Variants in CCDC122 observed in about 807,000 individuals in gnomAD.
CCDC122 encodes coiled-coil domain-containing protein 122.
In CCDC122, 38 loss-of-function variants were observed where a neutral mutation model predicts 37.0. The ratio of observed to expected loss-of-function variants is 1.03; its 90% confidence interval spans 0.79 to 1.35. CCDC122 has a LOEUF of 1.35. Among genes scored for constraint, CCDC122 ranks in the 40% most tolerant of loss-of-function variants. CCDC122 has a pLI of 0.00. For missense variants in CCDC122, 305 were observed against 310.0 expected (o/e 0.98, Z 0.12); for synonymous variants, 83 against 95.6 (o/e 0.87, Z 0.77).
At chr13:43,868,205 C>T (rs1309765288) in intron 4 of CCDC122, among the ~76,000 whole-genome samples, 1 of 152,106 alleles carries the variant, frequency 6.6e-6, no homozygotes, top group Non-Finnish European at 1.5e-5. Flanking sequence ...GTCATATTCA[C>T]ATAGTATAGT....
intron 2 of CCDC122, 89 bp from the exon 3 acceptor site, chr13:43,869,578 T>A: frequency 2.0e-6 from 1 of 508,338 alleles, no homozygotes; most frequent in Non-Finnish European, 3.4e-6. Flanking sequence ...AATGGTTAAG[T>A]GATTTTGGAA....
At position 43,869,402 on chromosome 13, in the gene CCDC122, C is replaced by G; in HGVS notation, c.-26G>C. The G allele has an allele frequency of 6.3e-7, 1 of 1,590,694 alleles. No homozygotes were observed. Among genetic ancestry groups the G allele is most frequent in the Non-Finnish European group, 8.6e-7 (1 of 1,165,348 alleles). On this transcript the variant is annotated 5_prime_UTR_variant, in exon 3 of 7. Transcript: ENST00000444614. The stretch of plus-strand genomic sequence containing the variant: ...TTTCTGTGTCTGTAATCTCTTTTCC[C>G]CTTTTTGATTTACCTTCTTTACTCC...
intron 6 of CCDC122, among the ~76,000 whole-genome samples, chr13:43,841,642 A>G (rs9567281): frequency 0.041 from 6,282 of 152,302 alleles, 190 homozygotes; most frequent in East Asian, 0.097. Flanking sequence ...CATCCTGGAT[A>G]CAAGTCCTTT....
intron 6 of CCDC122, chr13:43,854,312 G>A (rs562235855): frequency 6.6e-6 from 1 of 152,190 alleles, no homozygotes; most frequent in Admixed American, 6.5e-5. Context: ...TGACCCCACA[G>A]AAATACAAAT....
At chr13:43,857,817 C>T (rs565372339) in intron 6 of CCDC122, among the ~76,000 whole-genome samples, 1 of 152,212 alleles carries the variant, frequency 6.6e-6, no homozygotes, top group African/African-American at 2.4e-5. Flanking sequence ...ATGGGAAAAT[C>T]GCTGGAACCC....
intron 1 of CCDC122, among the ~76,000 whole-genome samples, chr13:43,878,317 A>G (rs1013725478): frequency 3.9e-5 from 6 of 152,198 alleles, no homozygotes; most frequent in African/African-American, 1.4e-4. Context: ...CTCAGGGCAG[A>G]GTGCACCTTC....
chr13:43,821,990 G>C (rs936725923), downstream of CCDC122, among the ~76,000 whole-genome samples: 4 of 152,184 alleles, frequency 2.6e-5, no homozygotes, highest in Admixed American at 2.6e-4. Flanking sequence ...ATTGGTCCCT[G>C]GTGCCTTATT....
intron 6 of CCDC122, among the ~76,000 whole-genome samples, chr13:43,838,138 G>A (rs1290165371): frequency 6.6e-6 from 1 of 152,064 alleles, no homozygotes; most frequent in Non-Finnish European, 1.5e-5. Context: ...GGTTCTGAGG[G>A]CTGCTGCTTC....
intron 3 of CCDC122, 52 bp downstream of exon 3, chr13:43,869,276 CTTT>C: frequency 7.3e-7 from 1 of 1,366,578 alleles, no homozygotes. Flanking sequence ...TGCCAGACTA[CTTT>C]TTTGTTGTTG....
chr13:43,850,460 T>C (rs1157905788), intron 6 of CCDC122, among the ~76,000 whole-genome samples: 1 of 151,910 alleles, frequency 6.6e-6, no homozygotes, highest in African/African-American at 2.4e-5. Context: ...AAATAGAAAG[T>C]CTGAGCAAAG....
chr13:43,875,258 G>C (rs1408727146), intron 1 of CCDC122, among the ~76,000 whole-genome samples: 2 of 152,152 alleles, frequency 1.3e-5, no homozygotes, highest in East Asian at 3.9e-4. Context: ...GAGGCAAGGG[G>C]CAAGGTCTTT....
chr13:43,847,803 C>G (rs993345480), intron 6 of CCDC122, among the ~76,000 whole-genome samples: 2 of 152,004 alleles, frequency 1.3e-5, no homozygotes, highest in African/African-American at 4.8e-5. Flanking sequence ...GAGACAGGGT[C>G]TTGCTCTGTT....
intron 3 of CCDC122, among the ~76,000 whole-genome samples, chr13:43,827,818 C>A (rs1394523909): frequency 6.6e-6 from 1 of 152,114 alleles, no homozygotes; most frequent in Non-Finnish European, 1.5e-5. Context: ...CAGAGAAATT[C>A]AGACATGTTA....
In CCDC122 at chr13:43,859,916, T is replaced by C; in HGVS notation, c.311A>G (p.Asn104Ser). The C allele has an allele frequency of 6.2e-7, 1 of 1,610,570 alleles. No homozygotes were observed. Among genetic ancestry groups the C allele is most frequent in the Non-Finnish European group, 8.5e-7 (1 of 1,178,450 alleles). The change falls in exon 5 of 7, where the codon AAT becomes AGT. Residue 104 changes from asparagine (N) to serine (S), a missense_variant. Physicochemically the swap from Asn to Ser is conservative, Grantham distance 46. Transcript: ENST00000444614. ...TTCTATGTCAAATTTAAGCTTTACA[T>C]TTTCTGAATGTAAGGATTTGATTTG... ...ETQIKSLHSE[N>S]VKLKFDIETA...
At chr13:43,833,636 C>T (rs1405410446), downstream of CCDC122, among the ~76,000 whole-genome samples, 5 of 152,072 alleles carry the variant, frequency 3.3e-5, no homozygotes, top group South Asian at 4.1e-4. Flanking sequence ...TGAAGCTGAC[C>T]GCATTGACTA....
chr13:43,822,490 G>T (rs201095575), downstream of CCDC122, among the ~76,000 whole-genome samples: 2 of 152,236 alleles, frequency 1.3e-5, no homozygotes, highest in East Asian at 3.9e-4. Context: ...TTAGCAGGTG[G>T]CGAAGCCAGC....
At chr13:43,872,681 A>G (rs12853286) in intron 2 of CCDC122, among the ~76,000 whole-genome samples, 56,038 of 151,984 alleles carry the variant, frequency 0.37, 12,617 homozygotes, top group Non-Finnish European at 0.52. Flanking sequence ...TCTAAGGCCA[A>G]TCCTCTACTT....
rs1014096668 is a variant in CCDC122, at chr13:43,836,646, C to T, written c.*634G>A. Reference sequence around the variant, plus strand: ...CGGGTGGATCATGAGGTCAGGAGATCGAGACCATCCTGGCTAACAAGGTGA... The same window carrying T: ...CGGGTGGATCATGAGGTCAGGAGATTGAGACCATCCTGGCTAACAAGGTGA... On this transcript the variant is annotated 3_prime_UTR_variant, in exon 7 of 7. Transcript: ENST00000444614. 6.7e-6 allele frequency: 1 copy of T among 150,368 alleles called. No individual in the cohort carries two copies. The highest frequency in any genetic ancestry group is 1.5e-5 in the Non-Finnish European group (1 of 67,708). 9.3% of individuals were successfully genotyped at this position (150,368 alleles called of 1,614,324 possible). A position where few individuals can be genotyped will look rare whatever the true frequency, so the allele number is the denominator to read the frequency against.
At chr13:43,831,134 A>G (rs112318909) in intron 3 of CCDC122, among the ~76,000 whole-genome samples, 8 of 152,358 alleles carry the variant, frequency 5.3e-5, no homozygotes, top group African/African-American at 1.9e-4. Context: ...TTAACTGCCC[A>G]GCAAAGTCAA....
Sources: gnomAD v4.1 joint callset for allele counts (sites outside exome capture counted in the v4.1 genomes callset) on GRCh38, gnomAD v4.1.1 for gene constraint, MANE v1.5 for transcripts, NCBI Gene and HGNC (gene_info 2026-07-23, HGNC 2026-07-21) for gene names.